The following VPS53 variants were observed in gnomAD, a reference collection of about 807,000 sequenced individuals.
The protein encoded by VPS53 is VPS53 subunit of GARP complex.
In VPS53, 70 loss-of-function variants were observed where a neutral mutation model predicts 107.0. That is an observed-to-expected ratio of 0.65 (90% CI 0.54 to 0.80). VPS53 has a LOEUF of 0.80. Ranked by LOEUF, VPS53 falls within the 30% of genes least tolerant of loss-of-function variation. VPS53 has a pLI of 0.00. For missense variants in VPS53, 917 were observed against 1,049.4 expected, an observed-to-expected ratio of 0.87 and a Z score of 1.74; for synonymous variants, 409 against 393.3, an observed-to-expected ratio of 1.04 and a Z score of -0.47.
intron 19 of VPS53, among the ~76,000 whole-genome samples, chr17:528,722 C>T (rs542909963): frequency 6.6e-6 from 1 of 151,746 alleles, no homozygotes; most frequent in African/African-American, 2.4e-5. Flanking sequence ...CCTCAGCTTC[C>T]CGAGTAGCTG....
intron 12 of VPS53, among the ~76,000 whole-genome samples, chr17:595,748 AGT>A (rs1243142080): frequency 2.4e-5 from 3 of 127,364 alleles, no homozygotes; most frequent in Non-Finnish European, 5.0e-5. Context: ...GATGCACTCT[AGT>A]GTCCCCCTGG....
At chr17:662,558 A>G (rs1193728904) in intron 4 of VPS53, among the ~76,000 whole-genome samples, 2 of 151,966 alleles carry the variant, frequency 1.3e-5, no homozygotes, top group Admixed American at 1.3e-4. Flanking sequence ...GCACAGTGGC[A>G]CGCACCTGTA....
chr17:539,940 A>T (rs1311968586), intron 17 of VPS53, among the ~76,000 whole-genome samples: 1 of 151,988 alleles, frequency 6.6e-6, no homozygotes, highest in Non-Finnish European at 1.5e-5. Context: ...CTAAAGCCCA[A>T]ACCAGGTCTA....
chr17:650,374 G>C lies in VPS53; in HGVS notation c.608+2917C>G, dbSNP rs117945452. On this transcript the variant is annotated intron_variant, in intron 7 of 21. Coordinates refer to ENST00000437048, the MANE Select transcript of VPS53 (RefSeq NM_001128159.3). ...CAGCCAGGCATGGTGGTATTTGCCT[G>C]TATTCCTGGCTACTCAGGAGGTGGA... 3.4e-3 allele frequency among the ~76,000 whole-genome samples: 520 copies of C among 152,226 alleles called. 2 individuals are homozygous for C. The highest frequency in any genetic ancestry group is 5.3e-3 in the Non-Finnish European group (359 of 68,018).
At chr17:661,702 G>A (rs1403666372) in intron 5 of VPS53, 107 bp downstream of exon 5, 5 of 1,039,330 alleles carry the variant, frequency 4.8e-6, no homozygotes, top group Non-Finnish European at 7.0e-6. Flanking sequence ...GATGACTCTG[G>A]TTGGCAGGAG....
At chr17:530,281 G>A (rs1030663850) in intron 19 of VPS53, among the ~76,000 whole-genome samples, 1 of 151,612 alleles carries the variant, frequency 6.6e-6, no homozygotes, top group Non-Finnish European at 1.5e-5. Context: ...AGCCTCTCGA[G>A]CAGCTGGGAT....
At position 659,616 on chromosome 17, in the gene VPS53, C is replaced by T. The variant is rs114109189; in HGVS notation, c.372+2193G>A. The stretch of plus-strand genomic sequence containing the variant: ...TCTTTAACCACTGTGTTCAAAGTCA[C>T]ATCATCTATGACTCTTCCTGGTCCC... On this transcript the variant is annotated intron_variant, in intron 5 of 21. Transcript: ENST00000437048. 4.3e-3 allele frequency among the ~76,000 whole-genome samples: 648 copies of T among 152,280 alleles called. 6 individuals are homozygous for T. The highest frequency in any genetic ancestry group is 0.015 in the African/African-American group (622 of 41,566).
At chr17:570,752 C>A (rs189632260) in intron 13 of VPS53, among the ~76,000 whole-genome samples, 1 of 152,118 alleles carries the variant, frequency 6.6e-6, no homozygotes, top group Non-Finnish European at 1.5e-5. Flanking sequence ...AACAGGCCAA[C>A]AAACAAGCAG....
chr17:679,134 A>G (rs1366533624), intron 4 of VPS53, among the ~76,000 whole-genome samples: 1 of 152,194 alleles, frequency 6.6e-6, no homozygotes, highest in East Asian at 1.9e-4. Flanking sequence ...AATATATCCA[A>G]GTGCAAGTCC....
chr17:653,561 G>A, intron 6 of VPS53, 151 bp from the exon 7 acceptor site: 1 of 1,273,170 alleles, frequency 7.9e-7, no homozygotes, highest in South Asian at 1.5e-5. Flanking sequence ...TGTGCGTTGT[G>A]GGAGGAAAAA....
chr17:677,672 A>G (rs939607413), intron 4 of VPS53, among the ~76,000 whole-genome samples: 2 of 152,170 alleles, frequency 1.3e-5, no homozygotes, highest in African/African-American at 2.4e-5. Flanking sequence ...ACCACTGAAC[A>G]GTATACTTTA....
intron 3 of VPS53, among the ~76,000 whole-genome samples, 184 bp from the exon 4 acceptor site, chr17:697,668 A>G (rs1183866709): frequency 6.6e-6 from 1 of 151,816 alleles, no homozygotes; most frequent in Non-Finnish European, 1.5e-5. Context: ...CGGGAAGTCA[A>G]GCCCAGTGCA....
chr17:575,631 A>C (rs1275827978), intron 13 of VPS53, among the ~76,000 whole-genome samples: 1 of 151,090 alleles, frequency 6.6e-6, no homozygotes, highest in East Asian at 2.0e-4. Flanking sequence ...TCAGAACCTA[A>C]TGCATTCCCA....
chr17:669,608 A>AAAAAAAAAAAAAAAAAAAAAAC (rs1971852358), intron 4 of VPS53, among the ~76,000 whole-genome samples: 1 of 149,888 alleles, frequency 6.7e-6, no homozygotes, highest in Non-Finnish European at 1.5e-5. Context: ...AAAAAAAAAA[A>AAAAAAAAAAAAAAAAAAAAAAC]TTAGGCCAGG....
Position 553,464 on chromosome 17 carries a change from T to G in VPS53, c.1705-2A>C. 6.2e-7 allele frequency: 1 copy of G among 1,612,348 alleles called. No homozygotes were observed. The highest frequency in any genetic ancestry group is 8.5e-7 in the Non-Finnish European group (1 of 1,178,758). ...TTTTTCTTTGAGTTTTTCTTCTAGC[T>G]GTTGAAAAACAGAAGAAATGGATGC... is the stretch of plus-strand genomic sequence containing the variant. On this transcript the variant is annotated splice_acceptor_variant, in intron 15 of 21. Coordinates refer to ENST00000437048, the MANE Select transcript of VPS53 (RefSeq NM_001128159.3). LOFTEE classifies it high-confidence loss of function.
chr17:675,386 C>T (rs1334413842), intron 4 of VPS53: 3 of 152,190 alleles, frequency 2.0e-5, no homozygotes, highest in Non-Finnish European at 2.9e-5. Context: ...TCAAGTACAA[C>T]AAGGAGACAG....
At chr17:711,319 C>T (rs1973634905) in intron 1 of VPS53, among the ~76,000 whole-genome samples, 1 of 152,226 alleles carries the variant, frequency 6.6e-6, no homozygotes, top group Non-Finnish European at 1.5e-5. Flanking sequence ...CTGGGTCTCA[C>T]CCAGCTTGAT....
intron 12 of VPS53, among the ~76,000 whole-genome samples, 154 bp downstream of exon 12, chr17:601,641 C>T (rs1384440895): frequency 6.6e-6 from 1 of 152,314 alleles, no homozygotes; most frequent in South Asian, 2.1e-4. Context: ...GAGTTTTCTA[C>T]ATGCACTTTC....
chr17:626,384 C>T (rs775388721), intron 10 of VPS53, among the ~76,000 whole-genome samples: 16 of 152,066 alleles, frequency 1.1e-4, no homozygotes, highest in Non-Finnish European at 1.8e-4. Context: ...AAAGCTCAGA[C>T]GCAGGCCAGG....
Sources: allele counts gnomAD v4.1 joint callset (sites outside exome capture counted in the v4.1 genomes callset), GRCh38; gene constraint gnomAD v4.1.1; transcripts MANE v1.5; gene names NCBI Gene and HGNC (gene_info 2026-07-23, HGNC 2026-07-21).